The following COL5A3 variants were observed in gnomAD, a reference collection of about 807,000 sequenced individuals.
The protein encoded by COL5A3 is collagen type V alpha 3 chain.
A neutral mutation model predicts 250.0 loss-of-function variants in COL5A3; 172 were observed. That is an observed-to-expected ratio of 0.69 (90% CI 0.61 to 0.78). COL5A3 has a LOEUF of 0.78. Among genes scored for constraint, COL5A3 ranks in the 30% least tolerant of loss-of-function variants. The probability of loss-of-function intolerance (pLI) is 0.00; values close to 1 mark genes in which losing one functional copy is unlikely to be tolerated. For missense variants in COL5A3, 2,340 were observed against 2,334.4 expected (o/e 1.00, Z -0.05); for synonymous variants, 937 against 900.4 (o/e 1.04, Z -0.73).
In COL5A3 at chr19:9,982,101, G is replaced by A. The variant is rs142157715; in HGVS notation, c.2424C>T (p.Pro808=). ...TCTCTCCTATGGGTCCCAGGGGACC[G>A]GGAAATCCAATAGATCCCTGAGTGG... is the stretch of plus-strand genomic sequence containing the variant. ...RPGPKGSIGF[P]GPLGPIGEKG... The change falls in exon 32 of 67, where the codon CCC becomes CCT. Residue 808 remains proline, a synonymous_variant. Coordinates refer to ENST00000264828, the MANE Select transcript of COL5A3 (RefSeq NM_015719.4). 60 of 1,604,892 alleles carry A rather than the reference G, an allele frequency of 3.7e-5. No individual in the cohort carries two copies. The highest frequency in any genetic ancestry group is 1.4e-4 in the East Asian group (6 of 44,340).
In COL5A3 at chr19:10,005,992, G is replaced by A. The variant is rs376180456; in HGVS notation, c.248-7C>T. On this transcript the variant is annotated splice_polypyrimidine_tract_variant and splice_region_variant and intron_variant, in intron 2 of 66. Transcript: ENST00000264828. ...TTCTCAGGAAAGTGGCCTTCTGGGT[G>A]GGCAGAGGGAACAAGGCAGCTCAGA... The A allele has an allele frequency of 9.2e-5, 148 of 1,612,708 alleles. No homozygotes were observed. The highest frequency in any genetic ancestry group is 5.0e-4 in the Middle Eastern group (3 of 6,058).
chr19:9,991,822 C>G lies in COL5A3; in HGVS notation c.1913G>C (p.Gly638Ala). 6.2e-7 allele frequency: 1 copy of G among 1,609,298 alleles called. No homozygotes were observed. Among genetic ancestry groups the G allele is most frequent in the Non-Finnish European group, 8.5e-7 (1 of 1,177,926 alleles). Residue 638 changes from glycine (G) to alanine (A), a missense_variant, in exon 23 of 67, where the codon GGC becomes GCC. Physicochemically the swap from Gly to Ala is moderately conservative, Grantham distance 60 (BLOSUM62 0). Around this residue, in one of 3 missense-constraint regions of COL5A3, gnomAD observed 1,152 missense variants for 1,146.3 expected, o/e 1.00. Transcript: ENST00000264828. Reference sequence around the variant, plus strand: ...ATGGTTTCCCTGCTGTCCCGGAGGGCCTGGTTCTCCTGGAGGACCCTGGGG... The same window carrying G: ...ATGGTTTCCCTGCTGTCCCGGAGGGGCTGGTTCTCCTGGAGGACCCTGGGG... Reference protein sequence around the residue: ...KGNVGPPGEPGPPGQQGNHGS... With the variant: ...KGNVGPPGEPAPPGQQGNHGS...
intron 11 of COL5A3, 74 bp from the exon 12 acceptor site, chr19:9,996,763 A>C: frequency 8.8e-7 from 1 of 1,136,806 alleles, no homozygotes; most frequent in Middle Eastern, 2.3e-4. Flanking sequence ...GGGGAGGCAC[A>C]GAAGGATGAG....
rs2091481311 is a variant in COL5A3 at position 9,971,217 on chromosome 19, G to T, written c.3816C>A (p.Asp1272Glu). The T allele has an allele frequency of 6.4e-7, 1 of 1,560,254 alleles. No individual in the cohort carries two copies. Among genetic ancestry groups the T allele is most frequent in the East Asian group, 2.4e-5 (1 of 41,528 alleles). Reference sequence around the variant, plus strand: ...GGGTCACACTCACTGAAACTCCAGGGTCTCCTGGGGGCCCTAGATCTCCGG... The same window carrying T: ...GGGTCACACTCACTGAAACTCCAGGTTCTCCTGGGGGCCCTAGATCTCCGG... The part of the protein sequence containing the change: ...GLPGDLGPPG[D>E]PGVSGIDGSP... Residue 1272 changes from aspartate (D) to glutamate (E), a missense_variant, in exon 52 of 67, where the codon GAC becomes GAA. Coordinates refer to ENST00000264828, the MANE Select transcript of COL5A3 (RefSeq NM_015719.4).
intron 8 of COL5A3, among the ~76,000 whole-genome samples, chr19:9,998,703 TA>T (rs1290677029): frequency 4.5e-4 from 66 of 147,202 alleles, no homozygotes; most frequent in African/African-American, 1.5e-3. Flanking sequence ...TTTTTTTTTT[TA>T]AATGGAGTCT....
At chr19:9,988,855 A>AAAAGAGAGAGAGAAAG (rs1555738985) in intron 27 of COL5A3, among the ~76,000 whole-genome samples, 106 of 104,578 alleles carry the variant, frequency 1.0e-3, no homozygotes, top group East Asian at 5.7e-3. Context: ...AAAAAAAAAA[A>AAAAGAGAGAGAGAAAG]AAAGAAAGTA....
chr19:10,000,985 G>A (rs1054886751), intron 8 of COL5A3, among the ~76,000 whole-genome samples: 7 of 151,914 alleles, frequency 4.6e-5, no homozygotes, highest in Non-Finnish European at 8.8e-5. Flanking sequence ...AATAACTAAT[G>A]GGTACTAGGC....
chr19:10,010,159 T>A, intron 1 of COL5A3, 139 bp downstream of exon 1: 3 of 187,956 alleles, frequency 1.6e-5, no homozygotes, highest in Non-Finnish European at 2.0e-5. Flanking sequence ...CAGATACTCA[T>A]GCGCCCACAT....
chr19:9,993,046 GCCCTGGAGGTCC>G lies in COL5A3; in HGVS notation c.1759_1770del (p.Gly587_Gly590del). ...ACCGGCTCCCCAGCCTGGCCAGTGGGCCCTGGAGGTCCCTCTGCTCCCTGTGGAAAAGCGTCA... is the reference window on the plus strand; with the variant it reads ...ACCGGCTCCCCAGCCTGGCCAGTGGGCTCTGCTCCCTGTGGAAAAGCGTCA... On this transcript the variant is annotated inframe_deletion, in exon 20 of 67. Coordinates refer to ENST00000264828, the MANE Select transcript of COL5A3 (RefSeq NM_015719.4). 1 of 1,613,906 alleles carries G rather than the reference GCCCTGGAGGTCC, an allele frequency of 6.2e-7. No homozygotes were observed. Among genetic ancestry groups the G allele is most frequent in the Non-Finnish European group, 8.5e-7 (1 of 1,179,934 alleles).
At chr19:9,975,447 G>A (rs749625731) in intron 45 of COL5A3, among the ~76,000 whole-genome samples, 16 of 152,080 alleles carry the variant, frequency 1.1e-4, no homozygotes, top group Non-Finnish European at 2.1e-4. Context: ...CTGAAGTGGG[G>A]GTTCAGAGCT....
At position 9,977,454 on chromosome 19, in the gene COL5A3, CA is replaced by C. The variant is rs1816300889; in HGVS notation, c.3144del (p.Gly1049AlafsTer95). ...KKGSRGERGP[P>X]GPTGKDGIPG... ...GGGATCCCATCTTTGCCAGTGGGGC[CA>C]GGGGGGCCACGTTCTCCCTGTTGTG... On this transcript the variant is annotated frameshift_variant, in exon 43 of 67. Transcript: ENST00000264828. LOFTEE classifies it high-confidence loss of function. The C allele has an allele frequency of 3.3e-6, 5 of 1,519,912 alleles. No individual in the cohort carries two copies. Among genetic ancestry groups the C allele is most frequent in the South Asian group, 1.3e-5 (1 of 75,396 alleles). The allele number at this position is 1,519,912 out of a possible 1,614,324, so 94.2% of individuals were successfully genotyped here.
chr19:9,989,473 G>A lies in COL5A3; in HGVS notation c.2042C>T (p.Pro681Leu), dbSNP rs1161826369. The A allele has an allele frequency of 1.2e-6, 2 of 1,613,598 alleles. No individual in the cohort carries two copies. ...TTCCCAGCTCATGGTTCTCACCAGAGGGCCATCGGATCCTGGGAGGCCTGG... is the reference window on the plus strand; with the variant it reads ...TTCCCAGCTCATGGTTCTCACCAGAAGGCCATCGGATCCTGGGAGGCCTGG... ...GIPGLPGSDG[P>L]LGHPGHEGPT... Residue 681 changes from proline (P) to leucine (L), a missense_variant, in exon 25 of 67, where the codon CCT becomes CTT. Pro to Leu is a moderately conservative substitution (Grantham distance 98, BLOSUM62 -3). This residue lies in a region of COL5A3 where 1,152 missense variants were observed against 1,146.3 expected (regional missense o/e 1.00). Coordinates refer to ENST00000264828, the MANE Select transcript of COL5A3 (RefSeq NM_015719.4).
At chr19:9,969,177 G>A (rs2086794180) in intron 57 of COL5A3, among the ~76,000 whole-genome samples, 172 bp downstream of exon 57, 1 of 152,106 alleles carries the variant, frequency 6.6e-6, no homozygotes, top group African/African-American at 2.4e-5. Flanking sequence ...GAGATGGGCA[G>A]TGTAGACCAT....
intron 64 of COL5A3, 146 bp downstream of exon 64, chr19:9,966,168 G>A (rs2086742167): frequency 3.0e-6 from 2 of 659,210 alleles, no homozygotes; most frequent in Non-Finnish European, 5.2e-6. Flanking sequence ...TGTAGTCCCA[G>A]CTCTTGAGGC....
At position 9,975,722 on chromosome 19, in the gene COL5A3, T is replaced by C. The variant is rs113053177; in HGVS notation, c.3342+836A>G. Among the ~76,000 whole-genome samples, 1,323 of 151,924 alleles carry C rather than the reference T, an allele frequency of 8.7e-3. 15 individuals carry two copies. Among genetic ancestry groups the C allele is most frequent in the African/African-American group, 0.03 (1,242 of 41,388 alleles). On this transcript the variant is annotated intron_variant, in intron 45 of 66. Coordinates refer to ENST00000264828, the MANE Select transcript of COL5A3 (RefSeq NM_015719.4). ...CAGGATTCTGGAGTTGAGTTCACAT[T>C]GGGTGCTGGTATTGAGGGGGAACAC...
chr19:9,989,364 AC>A lies in COL5A3; in HGVS notation c.2048del (p.Gly683ValfsTer32). 1.2e-6 allele frequency: 2 copies of A among 1,614,040 alleles called. No individual in the cohort carries two copies. Among genetic ancestry groups the A allele is most frequent in the Non-Finnish European group, 1.7e-6 (2 of 1,179,988 alleles). On this transcript the variant is annotated frameshift_variant and splice_region_variant, in exon 26 of 67. Transcript: ENST00000264828. LOFTEE classifies it high-confidence loss of function. ...CCGTGGGGCCCTCATGTCCTGGGTG[AC>A]CCTGGGGAAGAAACATTCTCAGTTG... is the stretch of plus-strand genomic sequence containing the variant. Reference protein sequence around the residue: ...PGLPGSDGPLGHPGHEGPTGE... With the variant: ...PGLPGSDGPLXHPGHEGPTGE...
chr19:9,997,180 T>TA (rs1430846899), intron 11 of COL5A3, 191 bp downstream of exon 11: 1 of 616,774 alleles, frequency 1.6e-6, no homozygotes, highest in Non-Finnish European at 2.9e-6. Context: ...AAGCAAAGAG[T>TA]AGGCCCCAGC....
rs748118502 is a variant in COL5A3, at chr19:9,966,439, C to T, written c.4670-13G>A. The T allele has an allele frequency of 1.3e-6, 2 of 1,586,430 alleles. No homozygotes were observed. Among genetic ancestry groups the T allele is most frequent in the African/African-American group, 2.7e-5 (2 of 74,564 alleles). On this transcript the variant is annotated splice_polypyrimidine_tract_variant and intron_variant, in intron 63 of 66. Coordinates refer to ENST00000264828, the MANE Select transcript of COL5A3 (RefSeq NM_015719.4). ...ATCCAGTATTCCCCTGCCGCAGAGCCAGGCAGGGTGGGTGAGTCCGGATGG... is the reference window on the plus strand; with the variant it reads ...ATCCAGTATTCCCCTGCCGCAGAGCTAGGCAGGGTGGGTGAGTCCGGATGG...
intron 16 of COL5A3, among the ~76,000 whole-genome samples, chr19:9,994,564 A>G (rs73504932): frequency 1.0e-4 from 3 of 28,872 alleles, no homozygotes; most frequent in African/African-American, 2.7e-4. Context: ...TTTTACATAT[A>G]TATATATATA....
Sources: gnomAD v4.1 joint callset for allele counts (sites outside exome capture counted in the v4.1 genomes callset) on GRCh38, gnomAD v4.1.1 for gene constraint, gnomAD v4.1.1 regional missense constraint, MANE v1.5 for transcripts, NCBI Gene and HGNC (gene_info 2026-07-23, HGNC 2026-07-21) for gene names.